Variants in PVT1 observed in about 807,000 individuals in gnomAD.
PVT1 encodes the protein Pvt1 oncogene, also known as CXCR4/PVT1 fusion.
chr8:127,991,222 A>G (rs1817036607), intron 4 of PVT1, among the ~76,000 whole-genome samples: 1 of 142,740 alleles, frequency 7.0e-6, no homozygotes, highest in Non-Finnish European at 1.5e-5. Context: ...GGCTCACTGT[A>G]AGCTCCACCT....
At chr8:128,053,796 A>C (rs548098207) in intron 4 of PVT1, among the ~76,000 whole-genome samples, 1 of 152,360 alleles carries the variant, frequency 6.6e-6, no homozygotes, top group East Asian at 1.9e-4. Flanking sequence ...CAGCTGCACC[A>C]GCACAGTGGA....
At chr8:128,002,244 C>G (rs564344998) in intron 4 of PVT1, among the ~76,000 whole-genome samples, 1 of 152,316 alleles carries the variant, frequency 6.6e-6, no homozygotes, top group East Asian at 1.9e-4. Flanking sequence ...TTCCCCATGG[C>G]CAGGGGCCCA....
intron 2 of PVT1, among the ~76,000 whole-genome samples, chr8:127,827,297 A>C (rs1237619958): frequency 6.6e-6 from 1 of 151,974 alleles, no homozygotes; most frequent in Non-Finnish European, 1.5e-5. Flanking sequence ...CACCCGACCT[A>C]GCCCCAGGGC....
At chr8:127,816,726 G>C (rs374452968) in intron 2 of PVT1, among the ~76,000 whole-genome samples, 10 of 152,154 alleles carry the variant, frequency 6.6e-5, no homozygotes, top group African/African-American at 2.4e-4. Context: ...GTTTCACCAT[G>C]TTGGCCAGGC....
intron 4 of PVT1, chr8:128,049,180 C>T: frequency 1.9e-6 from 1 of 531,710 alleles, no homozygotes; most frequent in Non-Finnish European, 3.9e-6. Context: ...CTGGGAGGGG[C>T]TGGCTGGGTC....
chr8:127,797,393 C>T (rs944058657), intron 2 of PVT1, among the ~76,000 whole-genome samples: 8 of 152,136 alleles, frequency 5.3e-5, no homozygotes, highest in African/African-American at 1.9e-4. Context: ...GGACCACACC[C>T]CCCACCCCAA....
At chr8:128,096,960 TC>T (rs1451823651) in intron 6 of PVT1, among the ~76,000 whole-genome samples, 3 of 152,148 alleles carry the variant, frequency 2.0e-5, no homozygotes, top group Non-Finnish European at 2.9e-5. Flanking sequence ...TTCCTCTGCC[TC>T]CCCAGGCTGG....
chr8:127,809,930 A>G (rs1220500274), intron 2 of PVT1, among the ~76,000 whole-genome samples: 1 of 152,220 alleles, frequency 6.6e-6, no homozygotes, highest in Non-Finnish European at 1.5e-5. Context: ...AAAACAAAAG[A>G]GTTCATTTTG....
At chr8:128,029,849 C>T (rs1466819889) in intron 4 of PVT1, among the ~76,000 whole-genome samples, 1 of 152,226 alleles carries the variant, frequency 6.6e-6, no homozygotes, top group Non-Finnish European at 1.5e-5. Context: ...TGGCTTGCGC[C>T]TCTAATCCCA....
At chr8:127,974,382 A>C (rs1180649345) in intron 3 of PVT1, among the ~76,000 whole-genome samples, 1 of 152,086 alleles carries the variant, frequency 6.6e-6, no homozygotes, top group Admixed American at 6.6e-5. Context: ...GTTTTCCCAA[A>C]AAAAGTCAGC....
chr8:128,002,484 T>C (rs1817192194), intron 4 of PVT1, among the ~76,000 whole-genome samples: 1 of 152,242 alleles, frequency 6.6e-6, no homozygotes, highest in Non-Finnish European at 1.5e-5. Flanking sequence ...CTCATAGTTG[T>C]GGAAGCCAGA....
rs150912199 is a variant in PVT1 at position 127,931,166 on chromosome 8, A to G, written n.782+40168A>G. On this transcript the variant is annotated intron_variant and non_coding_transcript_variant, in intron 3 of 10. Coordinates refer to ENST00000651587, the Ensembl canonical transcript of PVT1. Reference sequence around the variant, plus strand: ...AGCCATCTGCCTACCTTAGCCTCATAAAGTGCTGGAATTGCAGGTGTGAGC... The same window carrying G: ...AGCCATCTGCCTACCTTAGCCTCATGAAGTGCTGGAATTGCAGGTGTGAGC... Among the ~76,000 whole-genome samples, 439 of 152,310 alleles carry G rather than the reference A, an allele frequency of 2.9e-3. 3 individuals are homozygous for G. Among genetic ancestry groups the G allele is most frequent in the African/African-American group, 0.01 (425 of 41,556 alleles).
chr8:127,863,256 T>C (rs2129755008), intron 2 of PVT1, among the ~76,000 whole-genome samples: 1 of 152,070 alleles, frequency 6.6e-6, no homozygotes, highest in East Asian at 1.9e-4. Context: ...GGATTACAGG[T>C]GTCCGCCACT....
Position 127,956,546 on chromosome 8 carries a change from G to A in PVT1, n.783-32616G>A, listed in dbSNP as rs550959225. On this transcript the variant is annotated intron_variant and non_coding_transcript_variant, in intron 3 of 10. Coordinates refer to ENST00000651587, the Ensembl canonical transcript of PVT1. ...TGTTGCCAGGCTGGAGTGCAGTGGC[G>A]TGATCTCGGCTCACTGTAACCTCTG... 5.3e-5 allele frequency among the ~76,000 whole-genome samples: 8 copies of A among 152,346 alleles called. No individual in the cohort carries two copies. In the South Asian group the frequency reaches 1.2e-3, roughly 24 times the overall value.
intron 3 of PVT1, among the ~76,000 whole-genome samples, chr8:127,911,613 C>T (rs1297498907): frequency 6.6e-6 from 1 of 152,232 alleles, no homozygotes; most frequent in African/African-American, 2.4e-5. Flanking sequence ...GCTACCACCC[C>T]TGCGTAGTCC....
chr8:127,953,114 T>G (rs1390285736), intron 3 of PVT1, among the ~76,000 whole-genome samples: 1 of 152,252 alleles, frequency 6.6e-6, no homozygotes, highest in Non-Finnish European at 1.5e-5. Context: ...AGCTTCTCTG[T>G]CCTTCCTCAA....
chr8:128,074,731 G>A (rs749120892), intron 5 of PVT1, among the ~76,000 whole-genome samples: 4 of 152,104 alleles, frequency 2.6e-5, no homozygotes, highest in African/African-American at 7.2e-5. Context: ...ATTATATAGC[G>A]GTTGCTACAA....
intron 5 of PVT1, among the ~76,000 whole-genome samples, chr8:128,087,380 T>A (rs768712687): frequency 1.3e-4 from 20 of 152,244 alleles, no homozygotes; most frequent in Non-Finnish European, 2.4e-4. Context: ...GGTGACATTA[T>A]CCTAGTTTGC....
At chr8:127,934,427 C>T (rs1367687535) in intron 3 of PVT1, among the ~76,000 whole-genome samples, 2 of 152,162 alleles carry the variant, frequency 1.3e-5, no homozygotes, top group African/African-American at 2.4e-5. Flanking sequence ...GGGTGTCTTC[C>T]TCCCCAGGAT....
Sources: gnomAD v4.1 joint callset for allele counts (sites outside exome capture counted in the v4.1 genomes callset) on GRCh38, gnomAD v4.1.1 for gene constraint, MANE v1.5 for transcripts, NCBI Gene and HGNC (gene_info 2026-07-23, HGNC 2026-07-21) for gene names.